The following NKX2-6 variants were observed in gnomAD, a reference collection of about 807,000 sequenced individuals.
NKX2-6 encodes the protein NK2 homeobox 6, also known as homeobox protein Nkx-2.6.
In NKX2-6, 8 loss-of-function variants were observed where a neutral mutation model predicts 8.6. That is an observed-to-expected ratio of 0.93 (90% confidence interval 0.54 to 1.67). The LOEUF is 1.67. NKX2-6 is among the 40% of genes most tolerant of loss of function. The pLI is 0.00. For missense variants in NKX2-6, 475 were observed against 423.1 expected, an observed-to-expected ratio of 1.12 and a Z score of -1.08; for synonymous variants, 210 against 199.3, an observed-to-expected ratio of 1.05 and a Z score of -0.45.
chr8:23,704,453 G>T (rs1244823260), intron 1 of NKX2-6, among the ~76,000 whole-genome samples: 1 of 152,156 alleles, frequency 6.6e-6, no homozygotes, highest in Admixed American at 6.5e-5. Flanking sequence ...CCCCAAGGGT[G>T]GATAGAAGGG....
At chr8:23,705,486 C>T (rs903972501) in intron 1 of NKX2-6, among the ~76,000 whole-genome samples, 1 of 152,244 alleles carries the variant, frequency 6.6e-6, no homozygotes, top group African/African-American at 2.4e-5. Context: ...GTTTTCATCC[C>T]TTGGAATATC....
chr8:23,706,615 G>A lies in NKX2-6; in HGVS notation c.-17C>T. The stretch of plus-strand genomic sequence containing the variant: ...CAGCAGCATCCCGAAGGCGGATGGG[G>A]CGGGGCCGAGGAGGTCCGGGTGAGG... On this transcript the variant is annotated 5_prime_UTR_variant, in exon 1 of 2. Transcript: ENST00000325017. The A allele has an allele frequency of 1.3e-6, 2 of 1,530,052 alleles. No homozygotes were observed. Among genetic ancestry groups the A allele is most frequent in the Non-Finnish European group, 1.7e-6 (2 of 1,143,166 alleles). 94.8% of individuals were successfully genotyped at this position (1,530,052 alleles called of 1,614,324 possible). A position where few individuals can be genotyped will look rare whatever the true frequency, so the allele number is the denominator to read the frequency against.
chr8:23,705,791 TTCCAGAAGAAAAA>T (rs1260188354), intron 1 of NKX2-6, among the ~76,000 whole-genome samples: 1 of 152,210 alleles, frequency 6.6e-6, no homozygotes, highest in Non-Finnish European at 1.5e-5. Context: ...AACTTTCGTC[TTCCAGAAGAAAAA>T]TCCATGAGGA....
chr8:23,706,276 C>A lies in NKX2-6; in HGVS notation c.274+49G>T. On this transcript the variant is annotated intron_variant, in intron 1 of 1. Coordinates refer to ENST00000325017, the MANE Select transcript of NKX2-6 (RefSeq NM_001136271.3). ...CCCCATGCACCCATGGATCACGCCC[C>A]CGCCCCCACATTCCCCCCGTAGGAG... The A allele has an allele frequency of 4.7e-6, 7 of 1,480,042 alleles. No individual in the cohort carries two copies. The South Asian group carries it at 9.4e-5, about 20-fold the overall frequency. 91.7% of individuals were successfully genotyped at this position (1,480,042 alleles called of 1,614,324 possible). A position where few individuals can be genotyped will look rare whatever the true frequency, so the allele number is the denominator to read the frequency against.
Position 23,702,181 on chromosome 8 carries a change from A to G in NKX2-6, c.*270T>C, listed in dbSNP as rs190822857. On this transcript the variant is annotated 3_prime_UTR_variant, in exon 2 of 2. Transcript: ENST00000325017. ...GCCTTAGTACTGCTCCCACACCCCA[A>G]ACTGCCAGCCAGCCTTGGTGTTCTT... is the stretch of plus-strand genomic sequence containing the variant. Among the ~76,000 whole-genome samples the G allele has an allele frequency of 4.4e-4, 67 of 152,312 alleles. No individual in the cohort carries two copies. The highest frequency in any genetic ancestry group is 7.9e-4 in the Non-Finnish European group (54 of 68,032).
Position 23,702,953 on chromosome 8 carries a change from G to A in NKX2-6, c.404C>T (p.Pro135Leu). ...CTGCGCCTGCGAAAAGAGCACGCGC[G>A]GCTTCCGTCGTTGCCGCGCCTTGGG... ...EQPKARQRRK[P>L]RVLFSQAQVL... The change falls in exon 2 of 2, where the codon CCG becomes CTG. Residue 135 changes from proline (P) to leucine (L), a missense_variant. Physicochemically the swap from Pro to Leu is moderately conservative, Grantham distance 98 (BLOSUM62 -3). Transcript: ENST00000325017. The A allele has an allele frequency of 1.9e-6, 3 of 1,547,462 alleles. No homozygotes were observed. Among genetic ancestry groups the A allele is most frequent in the East Asian group, 2.4e-5 (1 of 40,826 alleles).
rs1585254089 is a variant in NKX2-6, at chr8:23,706,744, T to C, written c.-146A>G. 1.1e-6 allele frequency: 1 copy of C among 934,070 alleles called. No homozygotes were observed. Among genetic ancestry groups the C allele is most frequent in the East Asian group, 2.6e-5 (1 of 37,770 alleles). 57.9% of individuals were successfully genotyped at this position (934,070 alleles called of 1,614,324 possible). ...CCAGACAGCGCCTTCCTCTGGGCCA[T>C]GCTGGTAGGCCCGGGTCCAGGGCCG... is the stretch of plus-strand genomic sequence containing the variant. On this transcript the variant is annotated 5_prime_UTR_variant, in exon 1 of 2. It removes an upstream start codon present in the reference 5' UTR. Coordinates refer to ENST00000325017, the MANE Select transcript of NKX2-6 (RefSeq NM_001136271.3).
In NKX2-6 at chr8:23,702,512, C is replaced by A; in HGVS notation, c.845G>T (p.Gly282Val). 1 of 1,529,182 alleles carries A rather than the reference C, an allele frequency of 6.5e-7. No individual in the cohort carries two copies. The highest frequency in any genetic ancestry group is 8.8e-7 in the Non-Finnish European group (1 of 1,137,838). The allele number at this position is 1,529,182 out of a possible 1,614,324, so 94.7% of individuals were successfully genotyped here. A position where few individuals can be genotyped will look rare whatever the true frequency, so the allele number is the denominator to read the frequency against. Residue 282 changes from glycine to valine, a missense_variant, in exon 2 of 2, where the codon GGC becomes GTC. Transcript: ENST00000325017. ...PLASAGFGHG[G>V]QNATPQGHLA... ...ATGGCCCTGCGGGGTGGCATTCTGG[C>A]CACCGTGTCCGAAGCCCGCGCTGGC...
At chr8:23,706,263 A>C in intron 1 of NKX2-6, 62 bp downstream of exon 1, 3 of 1,447,680 alleles carry the variant, frequency 2.1e-6, no homozygotes, top group Non-Finnish European at 2.8e-6. Flanking sequence ...CCATGCACCC[A>C]TGGATCACGC....
chr8:23,706,611 TGGGGCGGGGCCGAGGAGGTCC>T lies in NKX2-6; in HGVS notation c.-34_-14del, dbSNP rs1563305263. On this transcript the variant is annotated 5_prime_UTR_variant, in exon 1 of 2. Coordinates refer to ENST00000325017, the MANE Select transcript of NKX2-6 (RefSeq NM_001136271.3). ...GGCTCAGCAGCATCCCGAAGGCGGA[TGGGGCGGGGCCGAGGAGGTCC>T]GGGTGAGGAGCGGCACCCTGAACTT... 6.5e-7 allele frequency: 1 copy of T among 1,532,288 alleles called. No individual in the cohort carries two copies. Among genetic ancestry groups the T allele is most frequent in the Admixed American group, 2.0e-5 (1 of 50,812 alleles). The allele number at this position is 1,532,288 out of a possible 1,614,324, so 94.9% of individuals were successfully genotyped here. A position where few individuals can be genotyped will look rare whatever the true frequency, so the allele number is the denominator to read the frequency against.
At position 23,702,440 on chromosome 8, in the gene NKX2-6, G is replaced by A. The variant is rs1236949614; in HGVS notation, c.*11C>T. The stretch of plus-strand genomic sequence containing the variant: ...ATCTGGCCCTGGTTGGCAGAGTCAA[G>A]CCGAGGAGCCTCACCAGGCCCTGAC... On this transcript the variant is annotated 3_prime_UTR_variant, in exon 2 of 2. Transcript: ENST00000325017. 3 of 1,444,206 alleles carry A rather than the reference G, an allele frequency of 2.1e-6. No homozygotes were observed. Among genetic ancestry groups the A allele is most frequent in the Non-Finnish European group, 1.8e-6 (2 of 1,098,784 alleles). 89.5% of individuals were successfully genotyped at this position (1,444,206 alleles called of 1,614,324 possible). A position where few individuals can be genotyped will look rare whatever the true frequency, so the allele number is the denominator to read the frequency against.
Position 23,701,784 on chromosome 8 carries a change from T to G in NKX2-6, c.*667A>C, listed in dbSNP as rs762846098. On this transcript the variant is annotated 3_prime_UTR_variant, in exon 2 of 2. Transcript: ENST00000325017. ...GGAGGTGCTGTGCTGTACAAAGAGA[T>G]AAAATGCACAACAGTGAAAGGGACC... 6.6e-5 allele frequency among the ~76,000 whole-genome samples: 10 copies of G among 152,220 alleles called. No homozygotes were observed. Among genetic ancestry groups the G allele is most frequent in the South Asian group, 6.2e-4 (3 of 4,818 alleles).
chr8:23,706,376 C>G lies in NKX2-6; in HGVS notation c.223G>C (p.Gly75Arg). 6.4e-7 allele frequency: 1 copy of G among 1,551,578 alleles called. No individual in the cohort carries two copies. The highest frequency in any genetic ancestry group is 8.7e-7 in the Non-Finnish European group (1 of 1,147,018). Residue 75 changes from glycine to arginine, a missense_variant, in exon 1 of 2, where the codon GGT (glycine) becomes CGT (arginine). Coordinates refer to ENST00000325017, the MANE Select transcript of NKX2-6 (RefSeq NM_001136271.3). ...ATCTCCAAGACTGCCTCACAGGGAC[C>G]CCCAGGAGGCTCCGAACCATCCAGC... is the stretch of plus-strand genomic sequence containing the variant. Reference protein sequence around the residue: ...RKLDGSEPPGGPCEAVLEMDA... With the variant: ...RKLDGSEPPGRPCEAVLEMDA...
Position 23,703,093 on chromosome 8 carries a change from A to G in NKX2-6, c.275-11T>C. 9 of 1,538,078 alleles carry G rather than the reference A, an allele frequency of 5.9e-6. No homozygotes were observed. Among genetic ancestry groups the G allele is most frequent in the African/African-American group, 2.7e-5 (2 of 72,916 alleles). On this transcript the variant is annotated splice_polypyrimidine_tract_variant and intron_variant, in intron 1 of 1. Coordinates refer to ENST00000325017, the MANE Select transcript of NKX2-6 (RefSeq NM_001136271.3). ...CGTTCAGGCCGGGCTCTAAAAGCAC[A>G]GGAAGGGACACATCAGCGCCCAGCC...
chr8:23,703,710 C>CAAACA (rs1554510919), intron 1 of NKX2-6, among the ~76,000 whole-genome samples: 89 of 38,978 alleles, frequency 2.3e-3, no homozygotes, highest in African/African-American at 0.017. Flanking sequence ...AACAAACAAA[C>CAAACA]AAAAAACAAA....
intron 1 of NKX2-6, among the ~76,000 whole-genome samples, chr8:23,703,753 A>G (rs1160225476): frequency 6.6e-6 from 1 of 152,170 alleles, no homozygotes; most frequent in Non-Finnish European, 1.5e-5. Context: ...TGCATGGTAA[A>G]CCTTCGCTGT....
chr8:23,704,418 C>CT (rs1288158513), intron 1 of NKX2-6, among the ~76,000 whole-genome samples: 6 of 152,162 alleles, frequency 3.9e-5, no homozygotes, highest in Admixed American at 6.5e-5. Context: ...CACTTCTCTC[C>CT]TGTCTGGGCT....
chr8:23,702,733 T>G lies in NKX2-6; in HGVS notation c.624A>C (p.Val208=). 6.4e-7 allele frequency: 1 copy of G among 1,551,738 alleles called. No individual in the cohort carries two copies. The highest frequency in any genetic ancestry group is 8.7e-7 in the Non-Finnish European group (1 of 1,146,980). ...LAGHPLTPRR[V]AVPVLVRDGK... ...CATCGCGCACCAGGACGGGCACAGCTACTCGGCGCGGCGTTAGAGGGTGGC... is the reference window on the plus strand; with the variant it reads ...CATCGCGCACCAGGACGGGCACAGCGACTCGGCGCGGCGTTAGAGGGTGGC... The change falls in exon 2 of 2, where the codon GTA becomes GTC. Residue 208 remains valine (V), a synonymous_variant. Transcript: ENST00000325017.
intron 1 of NKX2-6, among the ~76,000 whole-genome samples, chr8:23,704,023 T>A (rs1027847233): frequency 1.1e-4 from 16 of 152,310 alleles, no homozygotes; most frequent in African/African-American, 3.8e-4. Context: ...AACTTGGCTG[T>A]AAGTCCAGGA....
Sources: gnomAD v4.1 joint callset for allele counts (sites outside exome capture counted in the v4.1 genomes callset) on GRCh38, gnomAD v4.1.1 for gene constraint, MANE v1.5 for transcripts, NCBI Gene and HGNC (gene_info 2026-07-23, HGNC 2026-07-21) for gene names.